TUT4: variants seen among roughly 807,000 people sequenced by gnomAD.
TUT4 encodes the protein terminal uridylyl transferase 4.
A neutral mutation model predicts 192.2 loss-of-function variants in TUT4; 36 were observed. The observed-to-expected ratio is 0.19, with a 90% CI of 0.14 to 0.25. TUT4 has a LOEUF of 0.25. Ranked by LOEUF, TUT4 falls within the 10% of genes least tolerant of loss-of-function variation. The pLI is 1.00. For synonymous variants in TUT4, 618 were observed against 666.0 expected, an observed-to-expected ratio of 0.93 and a Z score of 1.11; for missense variants, 1,493 against 1,957.2, an observed-to-expected ratio of 0.76 and a Z score of 4.47.
At chr1:52,544,078 G>C (rs962615913) in intron 1 of TUT4, among the ~76,000 whole-genome samples, 16 of 143,090 alleles carry the variant, frequency 1.1e-4, no homozygotes, top group Non-Finnish European at 9.7e-5. Flanking sequence ...CACAAGGTCA[G>C]GAGATGAGAC....
In TUT4 at chr1:52,458,996, T is replaced by C. The variant is rs376873858; in HGVS notation, c.3322-547A>G. Among the ~76,000 whole-genome samples, 185 of 152,172 alleles carry C rather than the reference T, an allele frequency of 1.2e-3. 2 individuals carry two copies. The highest frequency in any genetic ancestry group is 4.1e-3 in the African/African-American group (171 of 41,534). On this transcript the variant is annotated intron_variant, in intron 19 of 29. Transcript: ENST00000257177. ...AAATAATTAACGACTATTCACATAA[T>C]GGAATGGTATGCAACCATTAAAAAA... is the stretch of plus-strand genomic sequence containing the variant.
intron 20 of TUT4, among the ~76,000 whole-genome samples, chr1:52,448,826 T>G (rs1454342320): frequency 6.6e-6 from 1 of 152,196 alleles, no homozygotes; most frequent in Non-Finnish European, 1.5e-5. Context: ...TAATTCATAC[T>G]TCTGAGTAAC....
chr1:52,434,138 G>T (rs1652995664), intron 27 of TUT4: 1 of 152,174 alleles, frequency 6.6e-6, no homozygotes, highest in Non-Finnish European at 1.5e-5. Context: ...TGTTGTTTAT[G>T]AAAGTATCAA....
chr1:52,521,653 ACT>A (rs754965066), intron 2 of TUT4, among the ~76,000 whole-genome samples: 1 of 149,790 alleles, frequency 6.7e-6, no homozygotes, highest in Non-Finnish European at 1.5e-5. Context: ...TGACAGGGTG[ACT>A]CTGTCTCAAA....
In TUT4 at chr1:52,426,783, G is replaced by A. The variant is rs143725478; in HGVS notation, c.4712-1276C>T. ...TTAACATAAAAGGGTATTTTTAAAA[G>A]ATATATTCCAATCCCCTTTGCCTGT... is the stretch of plus-strand genomic sequence containing the variant. On this transcript the variant is annotated intron_variant, in intron 28 of 29. Transcript: ENST00000257177. Among the ~76,000 whole-genome samples, 25 of 152,182 alleles carry A rather than the reference G, an allele frequency of 1.6e-4. No homozygotes were observed. The East Asian group carries it at 4.4e-3, about 27-fold the overall frequency.
At chr1:52,536,391 C>T (rs1684904557) in intron 1 of TUT4, among the ~76,000 whole-genome samples, 2 of 151,948 alleles carry the variant, frequency 1.3e-5, no homozygotes, top group Non-Finnish European at 2.9e-5. Context: ...CACACAAAAT[C>T]AAAACAGGAT....
At chr1:52,544,970 C>G (rs552083050) in intron 1 of TUT4, among the ~76,000 whole-genome samples, 1 of 151,440 alleles carries the variant, frequency 6.6e-6, no homozygotes, top group South Asian at 2.1e-4. Context: ...GTGGGATGAT[C>G]TCTTGAGCCC....
Position 52,476,728 on chromosome 1 carries a change from A to C in TUT4, c.2023+980T>G, listed in dbSNP as rs2148906098. ...AGCTCATTTATTTACTATATATAAG[A>C]GTACAAGATGTGTATAAATGTTTGC... is the stretch of plus-strand genomic sequence containing the variant. On this transcript the variant is annotated intron_variant, in intron 12 of 29. Coordinates refer to ENST00000257177, the MANE Select transcript of TUT4 (RefSeq NM_001009881.3). Among the ~76,000 whole-genome samples the C allele has an allele frequency of 2.0e-5, 3 of 152,346 alleles. No individual in the cohort carries two copies. The Middle Eastern group carries it at 0.01, about 518-fold the overall frequency.
rs1408867366 is a variant in TUT4, at chr1:52,475,058, T to C, written c.2501A>G (p.Asn834Ser). 3 of 1,614,158 alleles carry C rather than the reference T, an allele frequency of 1.9e-6. No individual in the cohort carries two copies. The highest frequency in any genetic ancestry group is 2.5e-6 in the Non-Finnish European group (3 of 1,180,032). ...AGGCGACTTAGACAAATCAATGCAA[T>C]TACATTGGCTGAGCTCTTTTTTTAA... ...TCLKKELSQC[N>S]CIDLSKSPDP... The change falls in exon 13 of 30, where the codon AAT becomes AGT. Residue 834 changes from asparagine (N) to serine (S), a missense_variant. Around this residue, in one of 7 missense-constraint regions of TUT4, gnomAD observed 245 missense variants for 218.4 expected, o/e 1.12. Coordinates refer to ENST00000257177, the MANE Select transcript of TUT4 (RefSeq NM_001009881.3).
At chr1:52,501,952 G>GAT (rs1391299750) in intron 4 of TUT4, among the ~76,000 whole-genome samples, 1 of 152,036 alleles carries the variant, frequency 6.6e-6, no homozygotes, top group Admixed American at 6.6e-5. Context: ...GCAGGGAGAG[G>GAT]GGAATGGGGA....
At chr1:52,441,984 G>A (rs749641824) in intron 24 of TUT4, among the ~76,000 whole-genome samples, 10 of 151,742 alleles carry the variant, frequency 6.6e-5, no homozygotes, top group African/African-American at 1.9e-4. Flanking sequence ...CCTGGCCAGC[G>A]TGGTGAAACC....
chr1:52,481,938 G>A lies in TUT4; in HGVS notation c.1516-15C>T. ...ATATAGCACAACTGCAAAATGAAGGGGAAAAAAGTACTACCATTTAGCTTT... is the reference window on the plus strand; with the variant it reads ...ATATAGCACAACTGCAAAATGAAGGAGAAAAAAGTACTACCATTTAGCTTT... On this transcript the variant is annotated splice_polypyrimidine_tract_variant and intron_variant, in intron 9 of 29. Transcript: ENST00000257177. 2 of 1,474,782 alleles carry A rather than the reference G, an allele frequency of 1.4e-6. No homozygotes were observed. The highest frequency in any genetic ancestry group is 1.8e-6 in the Non-Finnish European group (2 of 1,116,322). 91.4% of individuals were successfully genotyped at this position (1,474,782 alleles called of 1,614,324 possible).
chr1:52,511,408 A>T (rs1488124757), intron 3 of TUT4, among the ~76,000 whole-genome samples: 2 of 152,086 alleles, frequency 1.3e-5, no homozygotes, highest in African/African-American at 4.8e-5. Flanking sequence ...TACAGCAAAC[A>T]TTTTTCTAGG....
chr1:52,512,102 A>C (rs1677340243), intron 3 of TUT4, among the ~76,000 whole-genome samples: 1 of 152,188 alleles, frequency 6.6e-6, no homozygotes, highest in South Asian at 2.1e-4. Flanking sequence ...ATGTTAGCAG[A>C]CCAAAGACAA....
At chr1:52,460,739 T>C (rs952880765) in intron 19 of TUT4, among the ~76,000 whole-genome samples, 14 of 152,326 alleles carry the variant, frequency 9.2e-5, no homozygotes, top group Non-Finnish European at 1.0e-4. Context: ...ACAAGTGTTA[T>C]AATAGGAGAA....
intron 8 of TUT4, 95 bp from the exon 9 acceptor site, chr1:52,489,130 T>A: frequency 2.3e-6 from 3 of 1,301,674 alleles, no homozygotes; most frequent in Non-Finnish European, 3.1e-6. Context: ...GTTATCATAT[T>A]GTAACATAGT....
chr1:52,478,496 T>C (rs1394510300), intron 11 of TUT4, among the ~76,000 whole-genome samples: 1 of 152,208 alleles, frequency 6.6e-6, no homozygotes, highest in Non-Finnish European at 1.5e-5. Flanking sequence ...AAGCGGCACA[T>C]ATATTAACAA....
chr1:52,462,220 C>T lies in TUT4; in HGVS notation c.3070-451G>A, dbSNP rs889921220. On this transcript the variant is annotated intron_variant, in intron 16 of 29. Transcript: ENST00000257177. Reference sequence around the variant, plus strand: ...TCTTTTTTTGAGACGGAGTCTTGCTCTTTCGCCCAGGCCGGAGTGCAGTGG... The same window carrying T: ...TCTTTTTTTGAGACGGAGTCTTGCTTTTTCGCCCAGGCCGGAGTGCAGTGG... The T allele has an allele frequency of 3.8e-5, 5 of 131,324 alleles. No individual in the cohort carries two copies. The Admixed American group carries it at 4.2e-4, about 11-fold the overall frequency. The allele number at this position is 131,324 out of a possible 1,614,324, so 8.1% of individuals were successfully genotyped here.
intron 19 of TUT4, among the ~76,000 whole-genome samples, chr1:52,460,146 T>A (rs556703744): frequency 6.6e-6 from 1 of 152,352 alleles, no homozygotes; most frequent in South Asian, 2.1e-4. Context: ...TGTGCCTCTA[T>A]GCTTTTCTAA....
Sources: allele counts gnomAD v4.1 joint callset (sites outside exome capture counted in the v4.1 genomes callset), GRCh38; gene constraint gnomAD v4.1.1; regional missense constraint gnomAD v4.1.1; transcripts MANE v1.5; gene names NCBI Gene and HGNC (gene_info 2026-07-23, HGNC 2026-07-21).